Variants in ZNF410 observed in about 807,000 individuals in gnomAD.
ZNF410 encodes zinc finger protein 410, also known as another partner for ARF 1.
ZNF410 carries 18 observed loss-of-function variants against 54.8 expected under a neutral mutation model. The observed-to-expected ratio is 0.33, with a 90% confidence interval of 0.23 to 0.49. ZNF410 has a LOEUF of 0.49. Among genes scored for constraint, ZNF410 ranks in the 20% least tolerant of loss-of-function variants. The pLI is 0.99. For synonymous variants in ZNF410, 191 were observed against 207.3 expected (o/e 0.92, Z 0.68); for missense variants, 405 against 569.6 (o/e 0.71, Z 2.94).
In ZNF410 at chr14:73,922,025, C is replaced by T. The variant is rs371294411; in HGVS notation, c.1130-41C>T. The T allele has an allele frequency of 9.2e-5, 148 of 1,608,006 alleles. 1 individual carries two copies. The highest frequency in any genetic ancestry group is 5.2e-5 in the Non-Finnish European group (61 of 1,175,788). On this transcript the variant is annotated intron_variant, in intron 9 of 11. Transcript: ENST00000555044. ...AAAGAAAATGAGGACCAGGCACAGCCTTGATTGCTGTATGTCTCTCACAAC... is the reference window on the plus strand; with the variant it reads ...AAAGAAAATGAGGACCAGGCACAGCTTTGATTGCTGTATGTCTCTCACAAC...
chr14:73,931,460 T>C (rs2055913778), intron 11 of ZNF410, 43 bp from the exon 12 acceptor site: 4 of 1,559,554 alleles, frequency 2.6e-6, no homozygotes, highest in Non-Finnish European at 3.5e-6. Flanking sequence ...TTTTCTATAA[T>C]TCAACTGTAA....
chr14:73,925,166 T>A (rs2055811443), intron 11 of ZNF410, among the ~76,000 whole-genome samples: 1 of 152,218 alleles, frequency 6.6e-6, no homozygotes, highest in Admixed American at 6.5e-5. Context: ...CCATTGTCTT[T>A]GCTTATATTT....
intron 8 of ZNF410, chr14:73,915,938 T>C (rs2055660811): frequency 6.6e-6 from 1 of 152,192 alleles, no homozygotes; most frequent in Non-Finnish European, 1.5e-5. Flanking sequence ...TGTCATAATT[T>C]GTTAAGAATT....
intron 1 of ZNF410, among the ~76,000 whole-genome samples, chr14:73,891,032 G>C (rs1367488087): frequency 6.6e-6 from 1 of 151,758 alleles, no homozygotes; most frequent in Non-Finnish European, 1.5e-5. Flanking sequence ...AAAAGAGAGA[G>C]AACAGCCGCA....
chr14:73,931,624 A>G lies in ZNF410; in HGVS notation c.*83A>G. 1 of 1,290,892 alleles carries G rather than the reference A, an allele frequency of 7.7e-7. No homozygotes were observed. The allele number at this position is 1,290,892 out of a possible 1,614,324, so 80.0% of individuals were successfully genotyped here. On this transcript the variant is annotated 3_prime_UTR_variant, in exon 12 of 12. Transcript: ENST00000555044. ...GGAACAGGATGCCTTAGCCCACAAC[A>G]GAACCAGAATGAATCTTTGAAGGCA... is the stretch of plus-strand genomic sequence containing the variant.
chr14:73,895,269 A>G (rs1465390729), intron 3 of ZNF410: 1 of 152,214 alleles, frequency 6.6e-6, no homozygotes, highest in East Asian at 1.9e-4. Context: ...GAAGATAACA[A>G]GTGTTGGTAA....
At chr14:73,903,395 G>A (rs72627127) in intron 5 of ZNF410, among the ~76,000 whole-genome samples, 23,366 of 152,200 alleles carry the variant, frequency 0.15, 2,361 homozygotes, top group East Asian at 0.49. Flanking sequence ...ATTTGTCAAA[G>A]AGGCCTAGTC....
At chr14:73,891,587 C>T (rs912187207) in intron 1 of ZNF410, among the ~76,000 whole-genome samples, 1 of 152,160 alleles carries the variant, frequency 6.6e-6, no homozygotes, top group African/African-American at 2.4e-5. Context: ...CTATTGACCT[C>T]AAGTGATCCA....
intron 8 of ZNF410, among the ~76,000 whole-genome samples, chr14:73,909,799 A>G (rs1000971515): frequency 2.0e-5 from 3 of 152,230 alleles, no homozygotes; most frequent in Non-Finnish European, 4.4e-5. Flanking sequence ...AAAGACTGAT[A>G]TAAGTTGTAG....
chr14:73,925,075 C>G (rs1179446643), intron 11 of ZNF410, among the ~76,000 whole-genome samples: 1 of 152,198 alleles, frequency 6.6e-6, no homozygotes, highest in East Asian at 1.9e-4. Context: ...TCTCTAATAT[C>G]TTTGGGGGTA....
At chr14:73,892,370 T>C (rs2055243596) in intron 2 of ZNF410, among the ~76,000 whole-genome samples, 162 bp downstream of exon 2, 2 of 152,064 alleles carry the variant, frequency 1.3e-5, no homozygotes, top group African/African-American at 4.8e-5. Flanking sequence ...TTTCAAAGAT[T>C]TAAAAATTAT....
At chr14:73,896,128 T>C in intron 3 of ZNF410, 188 bp from the exon 4 acceptor site, 1 of 573,708 alleles carries the variant, frequency 1.7e-6, no homozygotes, top group East Asian at 2.9e-5. Flanking sequence ...ACGTTTTGGC[T>C]GACTGCCTTT....
intron 3 of ZNF410, chr14:73,895,454 G>A (rs561734402): frequency 6.6e-6 from 1 of 152,026 alleles, no homozygotes; most frequent in Non-Finnish European, 1.5e-5. Flanking sequence ...AGTCAAAGAT[G>A]TCTATACTTA....
chr14:73,915,367 T>C (rs1314243968), intron 8 of ZNF410, among the ~76,000 whole-genome samples: 1 of 151,760 alleles, frequency 6.6e-6, no homozygotes, highest in Non-Finnish European at 1.5e-5. Flanking sequence ...AGACAAAGTC[T>C]TACTCTGTTG....
At chr14:73,928,727 T>TC (rs2055869444) in intron 11 of ZNF410, among the ~76,000 whole-genome samples, 1 of 152,104 alleles carries the variant, frequency 6.6e-6, no homozygotes, top group Non-Finnish European at 1.5e-5. Context: ...GAGGATCACT[T>TC]GAGGCCAGAA....
chr14:73,922,232 T>C, intron 10 of ZNF410, 26 bp downstream of exon 10: 3 of 1,605,786 alleles, frequency 1.9e-6, no homozygotes, highest in Non-Finnish European at 1.7e-6. Context: ...CTCCTTTATT[T>C]GGGAAAAATG....
chr14:73,922,032 GCTGTATGT>G lies in ZNF410; in HGVS notation c.1130-31_1130-24del, dbSNP rs759659254. The G allele has an allele frequency of 1.9e-6, 3 of 1,610,688 alleles. No homozygotes were observed. In the South Asian group the frequency reaches 3.3e-5, roughly 18 times the overall value. On this transcript the variant is annotated intron_variant, in intron 9 of 11. Coordinates refer to ENST00000555044, the MANE Select transcript of ZNF410 (RefSeq NM_021188.3). ...ATGAGGACCAGGCACAGCCTTGATT[GCTGTATGT>G]CTCTCACAACCTATTCTCTGTGCAG...
intron 5 of ZNF410, 166 bp from the exon 6 acceptor site, chr14:73,903,794 C>T: frequency 1.1e-6 from 1 of 932,022 alleles, no homozygotes; most frequent in Non-Finnish European, 1.6e-6. Flanking sequence ...GAGCACCATG[C>T]CTGGCCAAGT....
chr14:73,904,524 C>G (rs142965330), intron 6 of ZNF410, among the ~76,000 whole-genome samples: 1 of 152,092 alleles, frequency 6.6e-6, no homozygotes, highest in Non-Finnish European at 1.5e-5. Context: ...AGTACAGTGG[C>G]GCCATCATAG....
Sources: allele counts gnomAD v4.1 joint callset (sites outside exome capture counted in the v4.1 genomes callset), GRCh38; gene constraint gnomAD v4.1.1; transcripts MANE v1.5; gene names NCBI Gene and HGNC (gene_info 2026-07-23, HGNC 2026-07-21).